Variants in KCTD1 observed in about 807,000 individuals in gnomAD.
KCTD1 encodes the protein potassium channel tetramerization domain containing 1.
In KCTD1, 24 loss-of-function variants were observed where a neutral mutation model predicts 66.0. The observed-to-expected ratio is 0.36, with a 90% CI of 0.26 to 0.51. KCTD1 has a LOEUF of 0.51. Among genes scored for constraint, KCTD1 ranks in the 20% least tolerant of loss-of-function variants. The pLI is 0.95. For missense variants in KCTD1, 943 were observed against 1,205.2 expected, an observed-to-expected ratio of 0.78 and a Z score of 3.22; for synonymous variants, 511 against 517.2, an observed-to-expected ratio of 0.99 and a Z score of 0.16.
intron 2 of KCTD1, among the ~76,000 whole-genome samples, chr18:26,492,428 G>C (rs1458130637): frequency 6.6e-6 from 1 of 151,898 alleles, no homozygotes; most frequent in Non-Finnish European, 1.5e-5. Context: ...GAGCCCAGGG[G>C]TTCAAGACCA....
intron 1 of KCTD1, among the ~76,000 whole-genome samples, chr18:26,560,143 A>G (rs76481419): frequency 5.6e-5 from 5 of 89,900 alleles, no homozygotes; most frequent in Non-Finnish European, 9.4e-5. Flanking sequence ...CCCCACCAGA[A>G]AAAAAAAAAA....
At chr18:26,633,536 C>T (rs930225018), upstream of KCTD1, among the ~76,000 whole-genome samples, 3 of 151,798 alleles carry the variant, frequency 2.0e-5, no homozygotes, top group Non-Finnish European at 2.9e-5. Context: ...AAATAATTAC[C>T]CCCCCAAATG....
chr18:26,479,399 C>A (rs1203777304), intron 2 of KCTD1, among the ~76,000 whole-genome samples: 1 of 152,230 alleles, frequency 6.6e-6, no homozygotes, highest in Non-Finnish European at 1.5e-5. Flanking sequence ...GGCCCCCTTG[C>A]CTGGTGAAAC....
At chr18:26,656,046 C>A (rs1598987609) in intron 1 of KCTD1, among the ~76,000 whole-genome samples, 2 of 151,678 alleles carry the variant, frequency 1.3e-5, no homozygotes, top group Admixed American at 6.6e-5. Context: ...GGTAGGGGGG[C>A]GGCGGCAGTT....
upstream of KCTD1, among the ~76,000 whole-genome samples, chr18:26,644,173 T>C (rs971550627): frequency 6.6e-6 from 1 of 152,172 alleles, no homozygotes; most frequent in Non-Finnish European, 1.5e-5. Context: ...CTTAAAGTAG[T>C]GCCTAACATA....
chr18:26,545,523 G>C (rs1174507866), intron 1 of KCTD1: 1 of 152,082 alleles, frequency 6.6e-6, no homozygotes, highest in Non-Finnish European at 1.5e-5. Flanking sequence ...GTCCAGAACT[G>C]GAATTTCCAC....
At chr18:26,470,186 G>A (rs1317186614) in intron 3 of KCTD1, among the ~76,000 whole-genome samples, 3 of 152,116 alleles carry the variant, frequency 2.0e-5, no homozygotes, top group African/African-American at 4.8e-5. Context: ...TGCTGAGCAT[G>A]TGGGACAGAT....
chr18:26,604,632 C>T (rs1362866703), intron 1 of KCTD1, among the ~76,000 whole-genome samples: 1 of 152,150 alleles, frequency 6.6e-6, no homozygotes, highest in Non-Finnish European at 1.5e-5. Flanking sequence ...CAAACTAACA[C>T]AGGAACAGAA....
upstream of KCTD1, chr18:26,549,205 C>T: frequency 6.1e-6 from 6 of 986,228 alleles, no homozygotes; most frequent in Non-Finnish European, 6.0e-6. Flanking sequence ...GGCTTGGGAG[C>T]GGGATGGGGC....
intron 1 of KCTD1, among the ~76,000 whole-genome samples, chr18:26,656,182 G>C (rs1026367778): frequency 6.6e-6 from 1 of 152,188 alleles, no homozygotes; most frequent in African/African-American, 2.4e-5. Flanking sequence ...CCCTTTAAGG[G>C]AACCTAGGCC....
intron 3 of KCTD1, among the ~76,000 whole-genome samples, chr18:26,464,834 CA>C (rs1375340440): frequency 6.6e-6 from 1 of 152,188 alleles, no homozygotes. Flanking sequence ...ACCTATGTAT[CA>C]GGGGTACCAC....
At position 26,548,490 on chromosome 18, in the gene KCTD1, C is replaced by A. The variant is rs934350847; in HGVS notation, c.47G>T (p.Gly16Val). The change falls in exon 1 of 5, where the codon GGC becomes GTC. Residue 16 changes from glycine (G) to valine (V), a missense_variant. Around this residue, in one of 10 missense-constraint regions of KCTD1, gnomAD observed 236 missense variants for 206.6 expected, o/e 1.14. Coordinates refer to ENST00000580059, the MANE Select transcript of KCTD1 (RefSeq NM_001142730.3). ...GGCGGCGGCGGCAGCGCTGGCGCTG[C>A]CGCCCGCGCTGGTGTTACAGTCCCC... ...GSGDCNTSAG[G>V]SASAAAAAAE... 17 of 1,239,558 alleles carry A rather than the reference C, an allele frequency of 1.4e-5. No individual in the cohort carries two copies. The highest frequency in any genetic ancestry group is 1.7e-5 in the Non-Finnish European group (17 of 997,946). 76.8% of individuals were successfully genotyped at this position (1,239,558 alleles called of 1,614,324 possible).
chr18:26,467,963 G>A (rs968712019), intron 3 of KCTD1, among the ~76,000 whole-genome samples: 2 of 152,168 alleles, frequency 1.3e-5, no homozygotes, highest in African/African-American at 2.4e-5. Flanking sequence ...AAAGATGTGA[G>A]CAACATGGGG....
At position 26,459,671 on chromosome 18, in the gene KCTD1, C is replaced by G. The variant is rs764540429; in HGVS notation, c.2388G>C (p.Thr796=). The G allele has an allele frequency of 1.2e-6, 2 of 1,611,450 alleles. No homozygotes were observed. Residue 796 remains threonine (T), a synonymous_variant, in exon 4 of 5, where the codon ACG becomes ACC. Transcript: ENST00000580059. ...CATTTAGTGGAAACCTGATGACGTGCGTCGAGTCGTGATTCCAGCCTGCAT... is the reference window on the plus strand; with the variant it reads ...CATTTAGTGGAAACCTGATGACGTGGGTCGAGTCGTGATTCCAGCCTGCAT... The part of the protein sequence containing the change: ...SVNAGWNHDS[T]HVIRFPLNGY...
intron 3 of KCTD1, among the ~76,000 whole-genome samples, chr18:26,465,639 G>A (rs1403021037): frequency 6.6e-6 from 1 of 152,230 alleles, no homozygotes; most frequent in Non-Finnish European, 1.5e-5. Context: ...CTTACAGACA[G>A]AAGCACACAC....
intron 1 of KCTD1, among the ~76,000 whole-genome samples, chr18:26,626,163 A>C (rs1205296042): frequency 6.9e-6 from 1 of 144,824 alleles, no homozygotes; most frequent in Non-Finnish European, 1.5e-5. Flanking sequence ...CCAAAAAAAA[A>C]AACAAAAAAA....
intron 1 of KCTD1, among the ~76,000 whole-genome samples, chr18:26,539,992 G>C (rs930432447): frequency 3.3e-5 from 5 of 152,086 alleles, no homozygotes. Context: ...AAAAAATATA[G>C]ATAGTGTACT....
intron 2 of KCTD1, among the ~76,000 whole-genome samples, chr18:26,484,176 C>A (rs555704989): frequency 7.9e-5 from 12 of 152,172 alleles, no homozygotes; most frequent in African/African-American, 2.9e-4. Context: ...GATTTCCAGA[C>A]TCAAGAAATT....
chr18:26,550,523 C>T (rs1348935244), upstream of KCTD1, among the ~76,000 whole-genome samples: 2 of 151,736 alleles, frequency 1.3e-5, no homozygotes, highest in Non-Finnish European at 2.9e-5. The surrounding 1 kb of genome is among the most constrained non-coding windows in gnomAD (Gnocchi z 5.4). Flanking sequence ...GTCCCTGCCT[C>T]GCGGGCCGCC....
Sources: allele counts gnomAD v4.1 joint callset (sites outside exome capture counted in the v4.1 genomes callset), GRCh38; gene constraint gnomAD v4.1.1; regional missense constraint gnomAD v4.1.1; non-coding constraint Gnocchi (gnomAD v3.1); transcripts MANE v1.5; gene names NCBI Gene and HGNC (gene_info 2026-07-23, HGNC 2026-07-21).